The following AKAP1 variants were observed in gnomAD, a reference collection of about 807,000 sequenced individuals.
AKAP1 encodes the protein A-kinase anchor protein 1, mitochondrial.
A neutral mutation model predicts 79.8 loss-of-function variants in AKAP1; 32 were observed. The ratio of observed to expected loss-of-function variants is 0.40; its 90% CI spans 0.30 to 0.54. The LOEUF (loss-of-function observed/expected upper bound fraction) is 0.54, where lower values mean the gene tolerates loss of function less well. Ranked by LOEUF, AKAP1 falls within the 20% of genes least tolerant of loss-of-function variation. AKAP1 has a pLI of 0.47. For synonymous variants in AKAP1, 416 were observed against 466.7 expected (o/e 0.89, Z 1.40); for missense variants, 961 against 1,138.9 (o/e 0.84, Z 2.25).
intron 1 of AKAP1, chr17:57,092,280 G>T (rs1313116516): frequency 1.3e-5 from 2 of 152,206 alleles, no homozygotes; most frequent in Admixed American, 6.5e-5. Flanking sequence ...CTAACTTGGA[G>T]CTGCTAACTC....
rs150076501 is a variant in AKAP1 at position 57,090,324 on chromosome 17, T to TC, written c.-25+4926_-25+4927insC. 1.6e-3 allele frequency among the ~76,000 whole-genome samples: 42 copies of TC among 27,090 alleles called. No homozygotes were observed. The East Asian group carries it at 0.29, about 187-fold the overall frequency. 17.8% of individuals were successfully genotyped at this position (27,090 alleles called of 152,430 possible). On this transcript the variant is annotated intron_variant, in intron 1 of 10. Transcript: ENST00000337714. Reference sequence around the variant, plus strand: ...ACTGGCATATTAGTGGCTTTTTTTTTTCTGTGTCATTTTTATTCTCTGTCA... The same window carrying TC: ...ACTGGCATATTAGTGGCTTTTTTTTTCTCTGTGTCATTTTTATTCTCTGTCA...
At position 57,119,060 on chromosome 17, in the gene AKAP1, C is replaced by A. The variant is rs769212321; in HGVS notation, c.2637+16C>A. ...TGGAGATGAAGTAAGTTCTGCCCTTCTTTTCCTTCTGTGTTGCTGGCCCGA... is the reference window on the plus strand; with the variant it reads ...TGGAGATGAAGTAAGTTCTGCCCTTATTTTCCTTCTGTGTTGCTGGCCCGA... On this transcript the variant is annotated intron_variant, in intron 10 of 10. Coordinates refer to ENST00000337714, the MANE Select transcript of AKAP1 (RefSeq NM_003488.4). 1 of 1,612,582 alleles carries A rather than the reference C, an allele frequency of 6.2e-7. No homozygotes were observed. Among genetic ancestry groups the A allele is most frequent in the Non-Finnish European group, 8.5e-7 (1 of 1,178,698 alleles).
chr17:57,102,970 C>T (rs1231772583), intron 1 of AKAP1, among the ~76,000 whole-genome samples: 1 of 152,092 alleles, frequency 6.6e-6, no homozygotes, highest in Non-Finnish European at 1.5e-5. Context: ...GACCCAGCTA[C>T]TCTGGAGGCT....
At chr17:57,099,336 C>A (rs1003753108) in intron 1 of AKAP1, among the ~76,000 whole-genome samples, 2 of 152,182 alleles carry the variant, frequency 1.3e-5, no homozygotes, top group Non-Finnish European at 2.9e-5. Flanking sequence ...GTTTCTGTTC[C>A]TGGAAGCAAT....
intron 6 of AKAP1, among the ~76,000 whole-genome samples, chr17:57,114,895 A>T (rs1368513171): frequency 1.4e-5 from 2 of 144,352 alleles, no homozygotes; most frequent in African/African-American, 2.5e-5. Flanking sequence ...TTTTTTTTTA[A>T]TTTTTTCTTT....
intron 3 of AKAP1, among the ~76,000 whole-genome samples, chr17:57,110,734 C>T (rs1328601543): frequency 6.6e-6 from 1 of 152,128 alleles, no homozygotes; most frequent in Non-Finnish European, 1.5e-5. Flanking sequence ...AAATATTTAA[C>T]AATTTAATTT....
At position 57,121,144 on chromosome 17, in the gene AKAP1, C is replaced by T. The variant is rs1406943663; in HGVS notation, c.*820C>T. 6.6e-6 allele frequency: 1 copy of T among 152,210 alleles called. No homozygotes were observed. Among genetic ancestry groups the T allele is most frequent in the African/African-American group, 2.4e-5 (1 of 41,384 alleles). 9.4% of individuals were successfully genotyped at this position (152,210 alleles called of 1,614,324 possible). Reference sequence around the variant, plus strand: ...GCCCCTCTGGCCAGGGCCCCTGTGGCTTCCTGCACACTGGACAGGTGACTG... The same window carrying T: ...GCCCCTCTGGCCAGGGCCCCTGTGGTTTCCTGCACACTGGACAGGTGACTG... On this transcript the variant is annotated 3_prime_UTR_variant, in exon 11 of 11. Transcript: ENST00000337714.
At position 57,105,427 on chromosome 17, in the gene AKAP1, C is replaced by G; in HGVS notation, c.-24-14C>G. ...CTGTAACATCCCTCCTCCCCGCTCT[C>G]CTGCTCTCCCCAGGTGTAATTACTT... On this transcript the variant is annotated splice_polypyrimidine_tract_variant and intron_variant, in intron 1 of 10. Transcript: ENST00000337714. 6.2e-7 allele frequency: 1 copy of G among 1,602,806 alleles called. No individual in the cohort carries two copies. Among genetic ancestry groups the G allele is most frequent in the Non-Finnish European group, 8.5e-7 (1 of 1,175,652 alleles).
chr17:57,107,639 AT>A (rs796687636), intron 2 of AKAP1, among the ~76,000 whole-genome samples: 4 of 149,212 alleles, frequency 2.7e-5, no homozygotes, highest in African/African-American at 9.9e-5. Flanking sequence ...TGCCCAGCCC[AT>A]TTTTTTTTCT....
In AKAP1 at chr17:57,116,914, G is replaced by T. The variant is rs1475764678; in HGVS notation, c.2487G>T (p.Val829=). The change falls in exon 8 of 11, where the codon GTG becomes GTT. Residue 829 remains valine, a synonymous_variant. Coordinates refer to ENST00000337714, the MANE Select transcript of AKAP1 (RefSeq NM_003488.4). Reference sequence around the variant, plus strand: ...GAGCAGAAGTCCTTCTGGACAGTGTGATGCCCCTGTCAGGTAACAGCTGAG... The same window carrying T: ...GAGCAGAAGTCCTTCTGGACAGTGTTATGCCCCTGTCAGGTAACAGCTGAG... ...FQGAEVLLDS[V]MPLSDDDQFS... is the part of the protein sequence containing the mutation. 1.9e-6 allele frequency: 3 copies of T among 1,614,018 alleles called. No individual in the cohort carries two copies. Among genetic ancestry groups the T allele is most frequent in the African/African-American group, 2.7e-5 (2 of 74,942 alleles).
At position 57,104,490 on chromosome 17, in the gene AKAP1, C is replaced by T. The variant is rs1914721400; in HGVS notation, c.-24-951C>T. On this transcript the variant is annotated intron_variant, in intron 1 of 10. Transcript: ENST00000337714. ...ATTGTAAGCTGAAAATAGCATAAAT[C>T]GAAAATAAATACATCTAATGCACCT... Among the ~76,000 whole-genome samples the T allele has an allele frequency of 2.0e-5, 3 of 152,150 alleles. No individual in the cohort carries two copies. The South Asian group carries it at 6.2e-4, about 31-fold the overall frequency.
In AKAP1 at chr17:57,106,812, A is replaced by G; in HGVS notation, c.1348A>G (p.Ser450Gly). ...KSLLSSPTKDSKPNISAHHIS... is the reference protein window; with the variant it reads ...KSLLSSPTKDGKPNISAHHIS... ...CCTTCTGTCCAGCCCCACCAAGGAC[A>G]GTAAGCCAAATATCTCTGCACACCA... The change falls in exon 2 of 11, where the codon AGT (serine) becomes GGT (glycine). Residue 450 changes from serine to glycine, a missense_variant. Coordinates refer to ENST00000337714, the MANE Select transcript of AKAP1 (RefSeq NM_003488.4). 1 of 1,614,176 alleles carries G rather than the reference A, an allele frequency of 6.2e-7. No homozygotes were observed.
intron 6 of AKAP1, among the ~76,000 whole-genome samples, chr17:57,114,881 A>T (rs1362943778): frequency 6.6e-6 from 1 of 150,478 alleles, no homozygotes; most frequent in Non-Finnish European, 1.5e-5. Flanking sequence ...CTCTGCCACT[A>T]ATTTTTTTTT....
chr17:57,086,469 C>G lies in AKAP1; in HGVS notation c.-25+1071C>G. The G allele has an allele frequency of 2.2e-6, 1 of 456,024 alleles. No individual in the cohort carries two copies. The highest frequency in any genetic ancestry group is 1.5e-5 in the South Asian group (1 of 64,542). The allele number at this position is 456,024 out of a possible 1,614,324, so 28.2% of individuals were successfully genotyped here. A position where few individuals can be genotyped will look rare whatever the true frequency, so the allele number is the denominator to read the frequency against. On this transcript the variant is annotated intron_variant, in intron 1 of 10. Coordinates refer to ENST00000337714, the MANE Select transcript of AKAP1 (RefSeq NM_003488.4). The surrounding 1 kb of genome is among the most constrained non-coding windows in gnomAD (Gnocchi z 5.1). Reference sequence around the variant, plus strand: ...CTGGGCGTTTCGGGATCTTCCTCTCCTGGGGGATGTCCTGGGTGGCGGCGC... The same window carrying G: ...CTGGGCGTTTCGGGATCTTCCTCTCGTGGGGGATGTCCTGGGTGGCGGCGC...
At chr17:57,091,433 C>G (rs967445427) in intron 1 of AKAP1, among the ~76,000 whole-genome samples, 1 of 152,112 alleles carries the variant, frequency 6.6e-6, no homozygotes, top group African/African-American at 2.4e-5. Flanking sequence ...AATAAAGCCA[C>G]CCTGGAAGCT....
chr17:57,112,689 C>T, intron 5 of AKAP1, 71 bp downstream of exon 5: 1 of 1,535,782 alleles, frequency 6.5e-7, no homozygotes, highest in East Asian at 2.3e-5. Flanking sequence ...AAGAAACTCC[C>T]CAGACCTCAG....
At chr17:57,108,844 A>T (rs915184943) in intron 2 of AKAP1, among the ~76,000 whole-genome samples, 3 of 152,204 alleles carry the variant, frequency 2.0e-5, no homozygotes, top group Non-Finnish European at 4.4e-5. Flanking sequence ...GGTGTTAGCC[A>T]GTCCCATTCT....
At chr17:57,088,894 G>A (rs1442938166) in intron 1 of AKAP1, among the ~76,000 whole-genome samples, 1 of 152,202 alleles carries the variant, frequency 6.6e-6, no homozygotes, top group East Asian at 1.9e-4. Flanking sequence ...TTCTGTAATG[G>A]TGGCTGGTTG....
At chr17:57,104,082 C>T (rs1197087797) in intron 1 of AKAP1, among the ~76,000 whole-genome samples, 1 of 152,096 alleles carries the variant, frequency 6.6e-6, no homozygotes, top group Non-Finnish European at 1.5e-5. Flanking sequence ...GCCTCAGCCT[C>T]CTGAGTAGCT....
Sources: allele counts gnomAD v4.1 joint callset (sites outside exome capture counted in the v4.1 genomes callset), GRCh38; gene constraint gnomAD v4.1.1; non-coding constraint Gnocchi (gnomAD v3.1); transcripts MANE v1.5; gene names NCBI Gene and HGNC (gene_info 2026-07-23, HGNC 2026-07-21).